CD99: variants seen among roughly 807,000 people sequenced by gnomAD.
The protein encoded by CD99 is CD99 molecule (Xg blood group), also known as CD99 antigen.
A neutral mutation model predicts 28.4 loss-of-function variants in CD99; 19 were observed. That is an observed-to-expected ratio of 0.67 (90% confidence interval 0.47 to 0.98). CD99 has a LOEUF of 0.98. Ranked by LOEUF, CD99 falls within the 50% of genes least tolerant of loss-of-function variation. The probability of loss-of-function intolerance (pLI) is 0.00; values close to 1 mark genes in which losing one functional copy is unlikely to be tolerated. For synonymous variants in CD99, 103 were observed against 92.1 expected (o/e 1.12, Z -0.67); for missense variants, 283 against 248.8 (o/e 1.14, Z -0.92).
At chrX:2,722,599 A>G (rs2049046526) in intron 5 of CD99, 28 bp from the exon 6 acceptor site, 2 of 1,612,394 alleles carry the variant, frequency 1.2e-6, no homozygotes, top group Admixed American at 3.3e-5. Context: ...TTCCAGGTTG[A>G]CAGGTGATGC....
At chrX:2,736,201 C>CAAAA (rs748847590) in intron 8 of CD99, among the ~76,000 whole-genome samples, 1 of 80,402 alleles carries the variant, frequency 1.2e-5, no homozygotes, top group Non-Finnish European at 2.7e-5. Context: ...GACTCTGTCT[C>CAAAA]AAAAAAAAAA....
intron 9 of CD99, among the ~76,000 whole-genome samples, chrX:2,739,148 C>T (rs1272094118): frequency 1.3e-5 from 2 of 152,098 alleles, no homozygotes; most frequent in African/African-American, 4.8e-5. Flanking sequence ...GGGTTCTAGG[C>T]GTGAACTACC....
At chrX:2,702,343 G>GC (rs1237724536) in intron 1 of CD99, among the ~76,000 whole-genome samples, 5 of 151,142 alleles carry the variant, frequency 3.3e-5, no homozygotes, top group Non-Finnish European at 7.4e-5. Context: ...CCCCCAGGAT[G>GC]CCCCTGTATC....
At chrX:2,728,679 A>G (rs2049426112) in intron 8 of CD99, among the ~76,000 whole-genome samples, 1 of 152,128 alleles carries the variant, frequency 6.6e-6, no homozygotes, top group Admixed American at 6.5e-5. Flanking sequence ...TAGGGACTCA[A>G]TGGAAGGGAA....
At chrX:2,706,063 GA>G (rs3047482) in intron 1 of CD99, among the ~76,000 whole-genome samples, 109 of 142,960 alleles carry the variant, frequency 7.6e-4, no homozygotes, top group East Asian at 1.7e-3. Flanking sequence ...ACGTTAAAAA[GA>G]AAAAAAAAAA....
intron 1 of CD99, among the ~76,000 whole-genome samples, chrX:2,700,490 T>A (rs2047795565): frequency 6.7e-6 from 1 of 150,016 alleles, no homozygotes; most frequent in African/African-American, 2.5e-5. Flanking sequence ...CAACCCATCC[T>A]CCCATTCATT....
rs754777338 is a variant in CD99, at chrX:2,741,047, G to A, written c.*243G>A. 1.2e-5 allele frequency: 7 copies of A among 568,288 alleles called. No individual in the cohort carries two copies. Among genetic ancestry groups the A allele is most frequent in the South Asian group, 1.2e-4 (5 of 43,242 alleles). The allele number at this position is 568,288 out of a possible 1,614,324, so 35.2% of individuals were successfully genotyped here. A position where few individuals can be genotyped will look rare whatever the true frequency, so the allele number is the denominator to read the frequency against. ...CCCATTCTCCAAGGCCCGGGGGGGC[G>A]GTTTCCCATGGGATGTGAAAGGCTG... On this transcript the variant is annotated 3_prime_UTR_variant, in exon 10 of 10. Transcript: ENST00000381192.
chrX:2,726,257 C>T lies in CD99; in HGVS notation c.362-3C>T, dbSNP rs775361663. On this transcript the variant is annotated splice_polypyrimidine_tract_variant and splice_region_variant and intron_variant, in intron 7 of 9. Coordinates refer to ENST00000381192, the MANE Select transcript of CD99 (RefSeq NM_002414.5). ...TCACGATGCTGTGTGCTTCCTCCTG[C>T]AGCCGACGCCCCAGGCGTGATCCCC... 11 of 1,595,224 alleles carry T rather than the reference C, an allele frequency of 6.9e-6. No individual in the cohort carries two copies. In the South Asian group the frequency reaches 1.2e-4, roughly 18 times the overall value.
chrX:2,698,838 C>T (rs1002203734), intron 1 of CD99, among the ~76,000 whole-genome samples: 11 of 152,178 alleles, frequency 7.2e-5, no homozygotes, highest in African/African-American at 2.7e-4. Flanking sequence ...CCGAGGTTCT[C>T]AGCTTTGGCC....
At chrX:2,701,498 C>G (rs1326022194) in intron 1 of CD99, among the ~76,000 whole-genome samples, 1 of 152,226 alleles carries the variant, frequency 6.6e-6, no homozygotes. Flanking sequence ...TTCAGGGGGT[C>G]AGAGAGAGTT....
intron 2 of CD99, 43 bp downstream of exon 2, chrX:2,714,497 T>C: frequency 6.6e-7 from 1 of 1,508,408 alleles, no homozygotes; most frequent in Admixed American, 1.7e-5. Context: ...CAATATTTTA[T>C]GTTAACATAG....
chrX:2,705,432 C>T (rs1231548274), intron 1 of CD99, among the ~76,000 whole-genome samples: 1 of 152,144 alleles, frequency 6.6e-6, no homozygotes, highest in Non-Finnish European at 1.5e-5. Flanking sequence ...TTGGTAAGAT[C>T]TCAGCGCCAG....
chrX:2,710,823 G>T (rs1438166864), intron 1 of CD99, among the ~76,000 whole-genome samples: 5 of 149,044 alleles, frequency 3.4e-5, no homozygotes, highest in African/African-American at 7.4e-5. Context: ...TGATCTAGCA[G>T]TCCCTCTACT....
At position 2,724,991 on chromosome X, in the gene CD99, C is replaced by T. The variant is rs182652233; in HGVS notation, c.362-1269C>T. Among the ~76,000 whole-genome samples, 839 of 147,638 alleles carry T rather than the reference C, an allele frequency of 5.7e-3. 7 individuals are homozygous for T. The highest frequency in any genetic ancestry group is 0.019 in the African/African-American group (767 of 39,548). Reference sequence around the variant, plus strand: ...GCAGGAGAATAGCTTGAACCCGGGACGCAGAGGTTGCAGTGAGCCGAGATC... The same window carrying T: ...GCAGGAGAATAGCTTGAACCCGGGATGCAGAGGTTGCAGTGAGCCGAGATC... On this transcript the variant is annotated intron_variant, in intron 7 of 9. Coordinates refer to ENST00000381192, the MANE Select transcript of CD99 (RefSeq NM_002414.5).
chrX:2,720,288 G>A (rs2048930246), intron 4 of CD99, 68 bp from the exon 5 acceptor site: 2 of 1,410,746 alleles, frequency 1.4e-6, no homozygotes, highest in South Asian at 1.1e-5. Context: ...CCATCTGTGT[G>A]TAAACTGATG....
chrX:2,695,955 C>T (rs1219753805), intron 1 of CD99, among the ~76,000 whole-genome samples: 2 of 152,108 alleles, frequency 1.3e-5, no homozygotes, highest in East Asian at 1.9e-4. Flanking sequence ...AACTGTCCTA[C>T]ATTCTTATTT....
At chrX:2,695,821 A>G (rs1354054245) in intron 1 of CD99, among the ~76,000 whole-genome samples, 1 of 151,912 alleles carries the variant, frequency 6.6e-6, no homozygotes, top group Non-Finnish European at 1.5e-5. Flanking sequence ...TTTAGTAGAG[A>G]CGGTGTTTCA....
chrX:2,735,232 A>T (rs1453135531), intron 8 of CD99, among the ~76,000 whole-genome samples: 1 of 152,154 alleles, frequency 6.6e-6, no homozygotes, highest in African/African-American at 2.4e-5. Flanking sequence ...GTGTATAAAT[A>T]TATCTTCACA....
chrX:2,701,487 G>C (rs1198244058), intron 1 of CD99, among the ~76,000 whole-genome samples: 1 of 152,258 alleles, frequency 6.6e-6, no homozygotes, highest in Non-Finnish European at 1.5e-5. Flanking sequence ...GACTACACTT[G>C]TTCAGGGGGT....
Sources: gnomAD v4.1 joint callset for allele counts (sites outside exome capture counted in the v4.1 genomes callset) on GRCh38, gnomAD v4.1.1 for gene constraint, MANE v1.5 for transcripts, NCBI Gene and HGNC (gene_info 2026-07-23, HGNC 2026-07-21) for gene names.